Variants in CDH12 observed in about 807,000 individuals in gnomAD.
The protein encoded by CDH12 is cadherin 12.
In CDH12, 41 loss-of-function variants were observed where a neutral mutation model predicts 74.1. The ratio of observed to expected loss-of-function variants is 0.55; its 90% CI spans 0.43 to 0.72. The LOEUF is 0.72. Among genes scored for constraint, CDH12 ranks in the 30% least tolerant of loss-of-function variants. CDH12 has a pLI of 0.00. For synonymous variants in CDH12, 399 were observed against 355.0 expected, an observed-to-expected ratio of 1.12 and a Z score of -1.39; for missense variants, 945 against 977.2, an observed-to-expected ratio of 0.97 and a Z score of 0.44.
At position 22,749,173 on chromosome 5, in the gene CDH12, A is replaced by G. The variant is rs1745436720; in HGVS notation, c.-523+103885T>C. Reference sequence around the variant, plus strand: ...ATATGAGTTGTAACGTGCAAGCAGAAGTTGAAAGTATGATCAGCAGCAACA... The same window carrying G: ...ATATGAGTTGTAACGTGCAAGCAGAGGTTGAAAGTATGATCAGCAGCAACA... On this transcript the variant is annotated intron_variant, in intron 1 of 14. Coordinates refer to ENST00000382254, the MANE Select transcript of CDH12 (RefSeq NM_004061.5). Among the ~76,000 whole-genome samples, 3 of 152,230 alleles carry G rather than the reference A, an allele frequency of 2.0e-5. No individual in the cohort carries two copies. The South Asian group carries it at 6.2e-4, about 31-fold the overall frequency.
intron 3 of CDH12, among the ~76,000 whole-genome samples, chr5:22,332,644 A>T (rs1739397676): frequency 6.6e-6 from 1 of 152,182 alleles, no homozygotes; most frequent in African/African-American, 2.4e-5. Context: ...CCCCATCAAA[A>T]AGTGGGCAAA....
At chr5:21,955,739 C>T (rs1756066297) in intron 6 of CDH12, among the ~76,000 whole-genome samples, 1 of 152,034 alleles carries the variant, frequency 6.6e-6, no homozygotes, top group African/African-American at 2.4e-5. Context: ...ATAAGGTGAA[C>T]CAGACAGACC....
chr5:22,475,756 G>A (rs1270404158), intron 2 of CDH12, among the ~76,000 whole-genome samples: 1 of 151,812 alleles, frequency 6.6e-6, no homozygotes, highest in Non-Finnish European at 1.5e-5. Flanking sequence ...TATTATAGTT[G>A]AAAAGAAATC....
At chr5:22,386,795 T>C (rs1468538715) in intron 3 of CDH12, among the ~76,000 whole-genome samples, 4 of 152,012 alleles carry the variant, frequency 2.6e-5, no homozygotes, top group Non-Finnish European at 4.4e-5. Context: ...TGATAGGTTA[T>C]ATTTTAAGGC....
At chr5:21,842,771 G>A (rs1749944556) in intron 7 of CDH12, among the ~76,000 whole-genome samples, 1 of 152,042 alleles carries the variant, frequency 6.6e-6, no homozygotes, top group Non-Finnish European at 1.5e-5. Flanking sequence ...TTATTTTCTA[G>A]AGTAAAAATA....
chr5:21,978,811 A>G (rs1176488829), intron 5 of CDH12, among the ~76,000 whole-genome samples: 3 of 152,168 alleles, frequency 2.0e-5, no homozygotes, highest in Non-Finnish European at 2.9e-5. Flanking sequence ...TAAAATAAAA[A>G]GGCAACTGTC....
intron 1 of CDH12, among the ~76,000 whole-genome samples, chr5:22,629,437 G>T (rs1738466233): frequency 6.6e-6 from 1 of 151,888 alleles, no homozygotes; most frequent in Non-Finnish European, 1.5e-5. Context: ...CTTCATTCTG[G>T]AATGCAAGAT....
intron 5 of CDH12, among the ~76,000 whole-genome samples, chr5:22,071,765 T>A (rs1741955420): frequency 6.6e-6 from 1 of 152,144 alleles, no homozygotes; most frequent in African/African-American, 2.4e-5. Flanking sequence ...TGTAAGTAAC[T>A]AAGGGCATAG....
chr5:22,192,543 A>G (rs1750369179), intron 4 of CDH12, among the ~76,000 whole-genome samples: 1 of 152,136 alleles, frequency 6.6e-6, no homozygotes, highest in Non-Finnish European at 1.5e-5. Flanking sequence ...CCCTATGGAC[A>G]GCATGGATAA....
chr5:22,396,208 T>A (rs1036800962), intron 3 of CDH12, among the ~76,000 whole-genome samples: 1 of 152,034 alleles, frequency 6.6e-6, no homozygotes, highest in African/African-American at 2.4e-5. Context: ...AATAAGCAAT[T>A]TTTTCTGTTC....
intron 3 of CDH12, among the ~76,000 whole-genome samples, chr5:22,389,482 A>G (rs1472356795): frequency 1.3e-5 from 2 of 152,258 alleles, no homozygotes; most frequent in East Asian, 1.9e-4. Flanking sequence ...CTTGAAGAGT[A>G]AGAAGTCTTT....
chr5:22,066,554 A>G (rs1262017793), intron 5 of CDH12, among the ~76,000 whole-genome samples: 3 of 152,154 alleles, frequency 2.0e-5, no homozygotes, highest in African/African-American at 7.2e-5. Flanking sequence ...TCCTCAACCC[A>G]TTCTGTGATT....
chr5:22,622,251 T>A (rs1738011813), intron 1 of CDH12, among the ~76,000 whole-genome samples: 1 of 151,962 alleles, frequency 6.6e-6, no homozygotes, highest in East Asian at 1.9e-4. Context: ...TAAAGAGAAC[T>A]TGAAAATGGC....
chr5:21,886,374 G>T (rs1209984890), intron 6 of CDH12, among the ~76,000 whole-genome samples: 1 of 150,234 alleles, frequency 6.7e-6, no homozygotes, highest in Admixed American at 6.6e-5. Context: ...TATAAATTTT[G>T]CTCTTCTATC....
chr5:22,653,162 C>A (rs1330528132), intron 1 of CDH12, among the ~76,000 whole-genome samples: 1 of 152,050 alleles, frequency 6.6e-6, no homozygotes, highest in Non-Finnish European at 1.5e-5. Flanking sequence ...TTCTCTTCAC[C>A]ACAGCTTGGC....
At chr5:21,768,206 G>A (rs1745130509) in intron 11 of CDH12, among the ~76,000 whole-genome samples, 1 of 151,682 alleles carries the variant, frequency 6.6e-6, no homozygotes, top group African/African-American at 2.4e-5. Flanking sequence ...AATTATTACT[G>A]TTCCACATTG....
chr5:22,287,628 C>T (rs1179313421), intron 3 of CDH12, among the ~76,000 whole-genome samples: 1 of 149,692 alleles, frequency 6.7e-6, no homozygotes, highest in Non-Finnish European at 1.5e-5. Context: ...GAGGCTGAGG[C>T]AGGAGAATGG....
chr5:22,513,071 G>A (rs1736677245), intron 1 of CDH12, among the ~76,000 whole-genome samples: 3 of 152,198 alleles, frequency 2.0e-5, no homozygotes, highest in Admixed American at 2.0e-4. Context: ...CAAGATCCCT[G>A]TAATAATTTT....
chr5:22,497,757 C>T (rs1444401772), intron 2 of CDH12, among the ~76,000 whole-genome samples: 1 of 150,036 alleles, frequency 6.7e-6, no homozygotes, highest in Non-Finnish European at 1.5e-5. Context: ...ATTCTCCTGC[C>T]TCAGCCTCCT....
Sources: gnomAD v4.1 joint callset for allele counts (sites outside exome capture counted in the v4.1 genomes callset) on GRCh38, gnomAD v4.1.1 for gene constraint, MANE v1.5 for transcripts, NCBI Gene and HGNC (gene_info 2026-07-23, HGNC 2026-07-21) for gene names.